Variants in USP33 observed in about 807,000 individuals in gnomAD.
USP33 encodes the protein ubiquitin carboxyl-terminal hydrolase 33.
Under a neutral mutation model 124.2 loss-of-function variants are expected in USP33, and 46 were observed. That is an observed-to-expected ratio of 0.37 (90% CI 0.29 to 0.47). The LOEUF is 0.47. Among genes scored for constraint, USP33 ranks in the 20% least tolerant of loss-of-function variants. The pLI is 0.99. For missense variants in USP33, 851 were observed against 1,070.6 expected (o/e 0.79, Z 2.86); for synonymous variants, 350 against 352.3 (o/e 0.99, Z 0.07).
chr1:77,748,885 AAG>A (rs1250070188), intron 1 of USP33, among the ~76,000 whole-genome samples: 1 of 149,168 alleles, frequency 6.7e-6, no homozygotes, highest in African/African-American at 2.5e-5. Context: ...CATCATGGAA[AAG>A]AGAGTTCCTT....
intron 12 of USP33, 97 bp downstream of exon 12, chr1:77,723,234 G>T: frequency 1.1e-6 from 1 of 897,908 alleles, no homozygotes; most frequent in Non-Finnish European, 1.8e-6. Flanking sequence ...CTCATCAATA[G>T]CAAAGAGAAG....
At chr1:77,712,539 C>T (rs1456160191) in intron 20 of USP33, among the ~76,000 whole-genome samples, 5 of 151,806 alleles carry the variant, frequency 3.3e-5, no homozygotes, top group Admixed American at 6.6e-5. Flanking sequence ...TTAAAGTTTA[C>T]GATGTTAAGG....
rs1014084147 is a variant in USP33 at position 77,759,851 on chromosome 1, C to T, written c.-260G>A. On this transcript the variant is annotated 5_prime_UTR_variant, in exon 1 of 24. Coordinates refer to ENST00000370794, the MANE Select transcript of USP33 (RefSeq NM_201624.3). Reference sequence around the variant, plus strand: ...GCAGCCGCGGCTCCTTCCGGTGTCTCCGGGGCCGCCGCAGGCGTCTCCGGC... The same window carrying T: ...GCAGCCGCGGCTCCTTCCGGTGTCTTCGGGGCCGCCGCAGGCGTCTCCGGC... 1 of 395,724 alleles carries T rather than the reference C, an allele frequency of 2.5e-6. No homozygotes were observed. The highest frequency in any genetic ancestry group is 3.6e-5 in the East Asian group (1 of 27,962). The allele number at this position is 395,724 out of a possible 1,614,324, so 24.5% of individuals were successfully genotyped here.
At chr1:77,754,861 C>T (rs2101620494) in intron 1 of USP33, among the ~76,000 whole-genome samples, 1 of 152,298 alleles carries the variant, frequency 6.6e-6, no homozygotes, top group East Asian at 1.9e-4. Flanking sequence ...CAAAGTATAG[C>T]TCCAATCTGG....
intron 4 of USP33, among the ~76,000 whole-genome samples, chr1:77,740,137 T>C (rs1170401948): frequency 6.6e-6 from 1 of 152,088 alleles, no homozygotes; most frequent in Non-Finnish European, 1.5e-5. Context: ...CATAACACTA[T>C]AGAAGAGGCA....
intron 4 of USP33, among the ~76,000 whole-genome samples, chr1:77,740,359 T>A (rs570960349): frequency 1.3e-5 from 2 of 152,136 alleles, no homozygotes; most frequent in East Asian, 3.9e-4. Context: ...ATACACTTTT[T>A]TTTTTTTTTT....
chr1:77,715,767 C>A lies in USP33; in HGVS notation c.2020G>T (p.Ala674Ser), dbSNP rs1295493217. Residue 674 changes from alanine to serine, a missense_variant, in exon 18 of 24, where the codon GCA (alanine) becomes TCA (serine). Transcript: ENST00000370794. Reference sequence around the variant, plus strand: ...CTATAGAAAAGAACGTAAGCTTCTGCATTTTGTACAGTAGATTCTGAAACT... The same window carrying A: ...CTATAGAAAAGAACGTAAGCTTCTGAATTTTGTACAGTAGATTCTGAAACT... Reference protein sequence around the residue: ...TEVSESTVQNAEAYVLFYRKS... With the variant: ...TEVSESTVQNSEAYVLFYRKS... 2 of 1,613,632 alleles carry A rather than the reference C, an allele frequency of 1.2e-6. No individual in the cohort carries two copies. The highest frequency in any genetic ancestry group is 4.5e-5 in the East Asian group (2 of 44,860).
intron 1 of USP33, among the ~76,000 whole-genome samples, chr1:77,748,651 C>G (rs933679346): frequency 4.0e-5 from 6 of 148,746 alleles, no homozygotes; most frequent in Non-Finnish European, 8.9e-5. Context: ...CCTGGCGACA[C>G]AGCGAGACTC....
intron 4 of USP33, 142 bp from the exon 5 acceptor site, chr1:77,739,559 A>C: frequency 1.3e-6 from 1 of 760,410 alleles, no homozygotes; most frequent in African/African-American, 1.8e-5. Flanking sequence ...ACATGAAAAA[A>C]ATTCTTTAGA....
chr1:77,757,446 G>A (rs965883831), intron 1 of USP33, among the ~76,000 whole-genome samples: 4 of 152,136 alleles, frequency 2.6e-5, no homozygotes, highest in African/African-American at 9.7e-5. Flanking sequence ...CATAATTCAT[G>A]TGCCTTTTTA....
intron 5 of USP33, among the ~76,000 whole-genome samples, chr1:77,737,846 T>C (rs1054691642): frequency 8.5e-5 from 13 of 152,208 alleles, no homozygotes; most frequent in African/African-American, 1.9e-4. Flanking sequence ...TTTGCCTTTA[T>C]ATATTATTAG....
intron 15 of USP33, 54 bp downstream of exon 15, chr1:77,721,118 A>G: frequency 1.2e-6 from 2 of 1,608,630 alleles, no homozygotes; most frequent in Non-Finnish European, 1.7e-6. Flanking sequence ...CCCAATTCTA[A>G]AAACCAAGAA....
At position 77,722,324 on chromosome 1, in the gene USP33, C is replaced by A. The variant is rs900636878; in HGVS notation, c.1390-128G>T. Reference sequence around the variant, plus strand: ...AAAAAAAACAAAAAACAAAAAAAAACACGCAAATTGAACTGCTTTCATAGT... The same window carrying A: ...AAAAAAAACAAAAAACAAAAAAAAAAACGCAAATTGAACTGCTTTCATAGT... On this transcript the variant is annotated intron_variant, in intron 12 of 23. Transcript: ENST00000370794. The A allele has an allele frequency of 3.7e-5, 33 of 890,576 alleles. No homozygotes were observed. The South Asian group carries it at 5.5e-4, about 15-fold the overall frequency. 55.2% of individuals were successfully genotyped at this position (890,576 alleles called of 1,614,324 possible).
intron 12 of USP33, among the ~76,000 whole-genome samples, 181 bp downstream of exon 12, chr1:77,723,150 G>A (rs1233392349): frequency 1.3e-5 from 2 of 152,152 alleles, no homozygotes; most frequent in Middle Eastern, 3.2e-3. Context: ...TAAACAGGAT[G>A]CTGCTACTTC....
chr1:77,709,727 TAATC>T (rs895541474), intron 21 of USP33, among the ~76,000 whole-genome samples: 17 of 151,008 alleles, frequency 1.1e-4, no homozygotes, highest in Admixed American at 4.6e-4. Flanking sequence ...TAGATTGGAG[TAATC>T]AATCTATATA....
chr1:77,738,716 G>A (rs966115078), intron 5 of USP33, among the ~76,000 whole-genome samples: 4 of 152,114 alleles, frequency 2.6e-5, no homozygotes, highest in Admixed American at 6.6e-5. Context: ...TCCTGACCTC[G>A]TGATCCAGCC....
chr1:77,732,180 T>C (rs1046096612), intron 7 of USP33, among the ~76,000 whole-genome samples: 3 of 152,078 alleles, frequency 2.0e-5, no homozygotes, highest in African/African-American at 7.2e-5. Flanking sequence ...TTATTTAAAC[T>C]TCTGTGTCTG....
chr1:77,719,049 A>G (rs1676258696), intron 15 of USP33, among the ~76,000 whole-genome samples: 1 of 152,160 alleles, frequency 6.6e-6, no homozygotes, highest in African/African-American at 2.4e-5. Context: ...AAAACACTGG[A>G]GTCCCTTATT....
At chr1:77,756,561 C>T (rs1680820858) in intron 1 of USP33, among the ~76,000 whole-genome samples, 1 of 152,146 alleles carries the variant, frequency 6.6e-6, no homozygotes, top group Non-Finnish European at 1.5e-5. Context: ...TTCTGGGAGC[C>T]TTTTAGATAA....
Sources: allele counts gnomAD v4.1 joint callset (sites outside exome capture counted in the v4.1 genomes callset), GRCh38; gene constraint gnomAD v4.1.1; transcripts MANE v1.5; gene names NCBI Gene and HGNC (gene_info 2026-07-23, HGNC 2026-07-21).